The following KLHL5 variants were observed in gnomAD, a reference collection of about 807,000 sequenced individuals.
KLHL5 encodes kelch like family member 5.
A neutral mutation model predicts 77.7 loss-of-function variants in KLHL5; 48 were observed. The observed-to-expected ratio is 0.62, with a 90% confidence interval of 0.49 to 0.79. KLHL5 has a LOEUF of 0.79. Among genes scored for constraint, KLHL5 ranks in the 30% least tolerant of loss-of-function variants. The pLI is 0.00. For missense variants in KLHL5, 723 were observed against 859.7 expected, an observed-to-expected ratio of 0.84 and a Z score of 1.99; for synonymous variants, 260 against 297.0, an observed-to-expected ratio of 0.88 and a Z score of 1.28.
intron 2 of KLHL5, 124 bp from the exon 3 acceptor site, chr4:39,080,979 G>A (rs1169185835): frequency 1.1e-6 from 1 of 897,022 alleles, no homozygotes; most frequent in Non-Finnish European, 1.6e-6. Flanking sequence ...AATTTGTCAA[G>A]CTTAAAATGC....
intron 2 of KLHL5, among the ~76,000 whole-genome samples, chr4:39,080,760 T>A (rs187504129): frequency 0.011 from 1,610 of 152,236 alleles, 27 homozygotes; most frequent in African/African-American, 0.036. Flanking sequence ...TAAATTTTTT[T>A]AAAAATGGCT....
downstream of KLHL5, among the ~76,000 whole-genome samples, chr4:39,127,484 G>C (rs1213051989): frequency 6.6e-6 from 1 of 152,126 alleles, no homozygotes; most frequent in African/African-American, 2.4e-5. Flanking sequence ...GTCTTGCTCT[G>C]TCGCCCAGGC....
At position 39,125,258 on chromosome 4, in the gene KLHL5, AG is replaced by A. The variant is rs1028056255; in HGVS notation, c.*4193del. On this transcript the variant is annotated 3_prime_UTR_variant, in exon 11 of 11. Coordinates refer to ENST00000504108, the MANE Select transcript of KLHL5 (RefSeq NM_015990.5). The stretch of plus-strand genomic sequence containing the variant: ...TGTTGGTGGGAATGTTAAATGGTGT[AG>A]CCACTGTGGAAAACAGTTTGGCAGT... 4.5e-4 allele frequency among the ~76,000 whole-genome samples: 68 copies of A among 151,172 alleles called. No individual in the cohort carries two copies. The highest frequency in any genetic ancestry group is 1.6e-3 in the African/African-American group (65 of 41,330).
intron 1 of KLHL5, among the ~76,000 whole-genome samples, chr4:39,056,083 T>C (rs1480894578): frequency 6.6e-6 from 1 of 152,268 alleles, no homozygotes; most frequent in African/African-American, 2.4e-5. Context: ...ATGTGGTTTG[T>C]AGAGCCAGAT....
At chr4:39,069,473 T>TATAC (rs1718244864) in intron 1 of KLHL5, among the ~76,000 whole-genome samples, 5 of 70,336 alleles carry the variant, frequency 7.1e-5, no homozygotes, top group Admixed American at 3.0e-4. Context: ...TATATATATA[T>TATAC]ACACACACAC....
chr4:39,096,956 C>T, intron 6 of KLHL5, 78 bp downstream of exon 6: 2 of 1,199,896 alleles, frequency 1.7e-6, no homozygotes, highest in Non-Finnish European at 2.4e-6. Context: ...GGCCAAAGAA[C>T]TCTTTGGAGA....
At chr4:39,076,749 T>G (rs1418200974) in intron 2 of KLHL5, among the ~76,000 whole-genome samples, 2 of 151,830 alleles carry the variant, frequency 1.3e-5, no homozygotes, top group African/African-American at 2.4e-5. Context: ...AAAGGTTTTT[T>G]TTTTTTTTTT....
intron 1 of KLHL5, among the ~76,000 whole-genome samples, chr4:39,070,325 A>G (rs535621703): frequency 1.3e-5 from 2 of 152,198 alleles, no homozygotes; most frequent in African/African-American, 4.8e-5. Context: ...AATGTCCACT[A>G]CACAGTTCTC....
intron 10 of KLHL5, 189 bp downstream of exon 10, chr4:39,115,519 C>G: frequency 6.7e-7 from 1 of 1,482,344 alleles, no homozygotes; most frequent in South Asian, 1.4e-5. Flanking sequence ...CCAGAATTAC[C>G]TTTGAGATGT....
At chr4:39,119,553 C>T (rs947004373) in intron 10 of KLHL5, among the ~76,000 whole-genome samples, 4 of 152,114 alleles carry the variant, frequency 2.6e-5, no homozygotes, top group Non-Finnish European at 2.9e-5. Context: ...CCATTGCACT[C>T]CAGCCTGGGT....
In KLHL5 at chr4:39,122,795, A is replaced by G. The variant is rs1224275260; in HGVS notation, c.*1729A>G. Among the ~76,000 whole-genome samples, 1 of 152,044 alleles carries G rather than the reference A, an allele frequency of 6.6e-6. No homozygotes were observed. The highest frequency in any genetic ancestry group is 1.5e-5 in the Non-Finnish European group (1 of 68,010). On this transcript the variant is annotated 3_prime_UTR_variant, in exon 11 of 11. Transcript: ENST00000504108. ...ACCACTGCACTCCAGCCTGGGTGAC[A>G]GAGCGAGACTCCATCAAAAAAAAAT...
At chr4:39,111,834 AT>A (rs1722474523) in intron 8 of KLHL5, among the ~76,000 whole-genome samples, 1 of 152,178 alleles carries the variant, frequency 6.6e-6, no homozygotes. Flanking sequence ...TCATCTTATT[AT>A]TTAAGAAACA....
Position 39,121,149 on chromosome 4 carries a change from G to C in KLHL5, c.*83G>C. 1.9e-6 allele frequency: 2 copies of C among 1,065,298 alleles called. No homozygotes were observed. Among genetic ancestry groups the C allele is most frequent in the Admixed American group, 1.8e-5 (1 of 55,542 alleles). 66.0% of individuals were successfully genotyped at this position (1,065,298 alleles called of 1,614,324 possible). ...TATTCTATCAATGGATACATTTTTA[G>C]TAAATGTGCATTGTCACAATCCTGG... On this transcript the variant is annotated 3_prime_UTR_variant, in exon 11 of 11. Transcript: ENST00000504108.
At chr4:39,046,936 T>G (rs887102566) in intron 1 of KLHL5, among the ~76,000 whole-genome samples, 1 of 152,200 alleles carries the variant, frequency 6.6e-6, no homozygotes, top group African/African-American at 2.4e-5. Flanking sequence ...ATTTCCTTTC[T>G]TGCAACAAGA....
intron 5 of KLHL5, 33 bp from the exon 6 acceptor site, chr4:39,096,659 C>T (rs1316525392): frequency 7.1e-7 from 1 of 1,401,726 alleles, no homozygotes; most frequent in African/African-American, 1.4e-5. Context: ...TTTTCTTAGT[C>T]ATTCAGTATA....
the KLHL5 span, among the ~76,000 whole-genome samples, chr4:39,136,626 C>G: frequency 1.3e-5 from 2 of 152,126 alleles, no homozygotes; most frequent in Admixed American, 6.6e-5. Flanking sequence ...GTCTCAGACC[C>G]CCATCAGAGT....
chr4:39,139,562 A>G, the KLHL5 span, among the ~76,000 whole-genome samples: 1 of 152,126 alleles, frequency 6.6e-6, no homozygotes, highest in Non-Finnish European at 1.5e-5. Flanking sequence ...TGATGCATCA[A>G]TGTGGGCCTC....
chr4:39,100,090 C>T (rs1721412185), intron 6 of KLHL5, among the ~76,000 whole-genome samples: 1 of 152,094 alleles, frequency 6.6e-6, no homozygotes, highest in Admixed American at 6.5e-5. Context: ...CTATTTGATG[C>T]TCAGCTTTTA....
chr4:39,089,478 A>G (rs1442101391), intron 5 of KLHL5, among the ~76,000 whole-genome samples: 1 of 152,170 alleles, frequency 6.6e-6, no homozygotes, highest in African/African-American at 2.4e-5. Context: ...GTTGAATCCA[A>G]AGGCAAGAGA....
Sources: allele counts gnomAD v4.1 joint callset (sites outside exome capture counted in the v4.1 genomes callset), GRCh38; gene constraint gnomAD v4.1.1; transcripts MANE v1.5; gene names NCBI Gene and HGNC (gene_info 2026-07-23, HGNC 2026-07-21).